Variants in SGCD observed in about 807,000 individuals in gnomAD.
The protein encoded by SGCD is sarcoglycan delta.
In SGCD, 18 loss-of-function variants were observed where a neutral mutation model predicts 36.6. The ratio of observed to expected loss-of-function variants is 0.49; its 90% CI spans 0.34 to 0.73. SGCD has a LOEUF of 0.73. Among genes scored for constraint, SGCD ranks in the 30% least tolerant of loss-of-function variants. SGCD has a pLI of 0.01. For synonymous variants in SGCD, 133 were observed against 130.6 expected (o/e 1.02, Z -0.12); for missense variants, 387 against 346.7 (o/e 1.12, Z -0.92).
At chr5:155,747,373 C>T in the SGCD span, among the ~76,000 whole-genome samples, 3 of 152,132 alleles carry the variant, frequency 2.0e-5, no homozygotes, top group African/African-American at 7.2e-5. Context: ...AATTGATTGA[C>T]TTTCAGAAGG....
intron 1 of SGCD, among the ~76,000 whole-genome samples, chr5:156,069,445 G>T (rs180817090): frequency 1.3e-5 from 2 of 151,968 alleles, no homozygotes; most frequent in Non-Finnish European, 2.9e-5. Context: ...GATATGTGGC[G>T]TTATTTCTAA....
chr5:155,997,040 G>T (rs1054151808), intron 1 of SGCD, among the ~76,000 whole-genome samples: 1 of 152,078 alleles, frequency 6.6e-6, no homozygotes, highest in Non-Finnish European at 1.5e-5. Context: ...CATGACTTTG[G>T]AAGGACTTAA....
intron 1 of SGCD, among the ~76,000 whole-genome samples, chr5:156,047,468 A>C (rs1490226771): frequency 6.6e-6 from 1 of 152,160 alleles, no homozygotes; most frequent in Non-Finnish European, 1.5e-5. Context: ...GCATCTGGTG[A>C]CTAAGTTGAA....
In SGCD at chr5:156,101,140, C is replaced by T. The variant is rs144832256; in HGVS notation, c.-281-16738C>T. Among the ~76,000 whole-genome samples the T allele has an allele frequency of 1.8e-3, 277 of 152,342 alleles. 2 individuals carry two copies. The highest frequency in any genetic ancestry group is 6.5e-3 in the African/African-American group (269 of 41,574). The stretch of plus-strand genomic sequence containing the variant: ...ATTATACTAGCACCCTGATCTTGGT[C>T]TTCCAGACTTCAGAACCATGAGATA... On this transcript the variant is annotated intron_variant, in intron 1 of 9. Coordinates refer to the SGCD transcript ENST00000517913.
chr5:156,224,815 G>A (rs1034567461), intron 3 of SGCD, among the ~76,000 whole-genome samples: 3 of 152,066 alleles, frequency 2.0e-5, no homozygotes, highest in Non-Finnish European at 2.9e-5. Flanking sequence ...TAATTCATAG[G>A]ACATGCATTT....
At chr5:156,623,108 A>G (rs921872708) in intron 6 of SGCD, among the ~76,000 whole-genome samples, 3 of 152,182 alleles carry the variant, frequency 2.0e-5, no homozygotes. Flanking sequence ...ATGTGTGTAT[A>G]TATGTGTATA....
chr5:156,192,162 A>G (rs1012541549), intron 3 of SGCD, among the ~76,000 whole-genome samples: 1 of 152,130 alleles, frequency 6.6e-6, no homozygotes, highest in Admixed American at 6.6e-5. Flanking sequence ...TTCCAAAAGG[A>G]GTCATCTTAT....
chr5:156,365,639 T>C (rs1005047763), intron 3 of SGCD, among the ~76,000 whole-genome samples: 6 of 152,186 alleles, frequency 3.9e-5, no homozygotes, highest in Non-Finnish European at 8.8e-5. Context: ...TACACAGATA[T>C]ACACAGAAGT....
At chr5:156,690,216 C>T (rs1487745193) in intron 7 of SGCD, among the ~76,000 whole-genome samples, 3 of 152,190 alleles carry the variant, frequency 2.0e-5, no homozygotes, top group African/African-American at 7.2e-5. Flanking sequence ...AGGAAGGAAA[C>T]TTGCCTAGAA....
intron 7 of SGCD, among the ~76,000 whole-genome samples, chr5:156,711,445 T>C (rs1657913927): frequency 6.6e-6 from 1 of 152,232 alleles, no homozygotes; most frequent in Non-Finnish European, 1.5e-5. Context: ...TGAAGATGGG[T>C]AAAAACTAAC....
chr5:156,595,064 G>C lies in SGCD; in HGVS notation c.502+13G>C. The C allele has an allele frequency of 6.2e-7, 1 of 1,605,032 alleles. No individual in the cohort carries two copies. The highest frequency in any genetic ancestry group is 1.1e-5 in the South Asian group (1 of 89,354). On this transcript the variant is annotated intron_variant, in intron 6 of 8. Coordinates refer to ENST00000337851, the MANE Select transcript of SGCD (RefSeq NM_000337.6). ...TTACGAGTTTTAGGTAAGGAAACTT[G>C]AATCATTTAACTTGTTTGATGCTAC...
At chr5:156,391,137 G>A (rs1458637109) in intron 3 of SGCD, among the ~76,000 whole-genome samples, 3 of 152,170 alleles carry the variant, frequency 2.0e-5, no homozygotes, top group Non-Finnish European at 4.4e-5. Flanking sequence ...TAAATCTTTT[G>A]TACCATATTT....
At chr5:156,314,582 C>A (rs1581237353) in intron 3 of SGCD, among the ~76,000 whole-genome samples, 1 of 152,006 alleles carries the variant, frequency 6.6e-6, no homozygotes, top group South Asian at 2.1e-4. Flanking sequence ...CGTTGGTGAA[C>A]ACAGATGAAC....
At position 156,654,873 on chromosome 5, in the gene SGCD, A is replaced by G. The variant is rs148364483; in HGVS notation, c.575+7337A>G. On this transcript the variant is annotated intron_variant, in intron 7 of 8. Transcript: ENST00000337851. ...TATCTGTGGTATAGTTACCACAACTAAGAAATTAACATTGTAGTCCTGTAA... is the reference window on the plus strand; with the variant it reads ...TATCTGTGGTATAGTTACCACAACTGAGAAATTAACATTGTAGTCCTGTAA... Among the ~76,000 whole-genome samples the G allele has an allele frequency of 1.1e-3, 174 of 152,284 alleles. 1 individual carries two copies. Among genetic ancestry groups the G allele is most frequent in the African/African-American group, 3.9e-3 (164 of 41,580 alleles).
chr5:156,540,653 G>A lies in SGCD; in HGVS notation c.294+31951G>A, dbSNP rs79697512. ...ACAAGTATGTATTGATTCTTATTTC[G>A]CATAGTTTGCTGCTTTGTCTTAGTA... On this transcript the variant is annotated intron_variant, in intron 4 of 8. Coordinates refer to ENST00000337851, the MANE Select transcript of SGCD (RefSeq NM_000337.6). Among the ~76,000 whole-genome samples the A allele has an allele frequency of 0.012, 1,879 of 152,088 alleles. 93 individuals carry two copies. The East Asian group carries it at 0.17, about 14-fold the overall frequency.
chr5:155,894,203 CCTTA>C (rs1216963973), intron 1 of SGCD, among the ~76,000 whole-genome samples: 1 of 152,118 alleles, frequency 6.6e-6, no homozygotes, highest in Non-Finnish European at 1.5e-5. Context: ...AAGAAATTAA[CCTTA>C]CTTATTGTAA....
the SGCD span, among the ~76,000 whole-genome samples, chr5:155,830,029 G>C: frequency 1.3e-5 from 2 of 152,046 alleles, no homozygotes; most frequent in African/African-American, 4.8e-5. Flanking sequence ...ACAGATGAGG[G>C]GATGGAGGCC....
At chr5:156,417,422 A>G (rs1198107025) in intron 3 of SGCD, among the ~76,000 whole-genome samples, 1 of 152,170 alleles carries the variant, frequency 6.6e-6, no homozygotes, top group Admixed American at 6.5e-5. Context: ...GGATAAAGCA[A>G]ATGAATTAAA....
intron 1 of SGCD, among the ~76,000 whole-genome samples, chr5:156,100,809 G>T (rs1479777868): frequency 6.6e-6 from 1 of 152,158 alleles, no homozygotes; most frequent in East Asian, 1.9e-4. Flanking sequence ...TCAAAGTGGT[G>T]TATACACTAG....
Sources: gnomAD v4.1 joint callset for allele counts (sites outside exome capture counted in the v4.1 genomes callset) on GRCh38, gnomAD v4.1.1 for gene constraint, MANE v1.5 for transcripts, NCBI Gene and HGNC (gene_info 2026-07-23, HGNC 2026-07-21) for gene names.